Variants in SMC6 observed in about 807,000 individuals in gnomAD.
SMC6 encodes the protein structural maintenance of chromosomes protein 6.
SMC6 carries 79 observed loss-of-function variants against 142.2 expected under a neutral mutation model. That is an observed-to-expected ratio of 0.56 (90% CI 0.46 to 0.67). The LOEUF (loss-of-function observed/expected upper bound fraction) is 0.67, where lower values mean the gene tolerates loss of function less well. SMC6 is among the 30% of genes least tolerant of loss of function. The probability of loss-of-function intolerance (pLI) is 0.00; values close to 1 mark genes in which losing one functional copy is unlikely to be tolerated. For missense variants in SMC6, 1,072 were observed against 1,284.0 expected (o/e 0.83, Z 2.52); for synonymous variants, 411 against 412.4 (o/e 1.00, Z 0.04).
chr2:17,752,306 A>C (rs1671082933), intron 2 of SMC6, among the ~76,000 whole-genome samples: 1 of 152,228 alleles, frequency 6.6e-6, no homozygotes, highest in Admixed American at 6.5e-5. Flanking sequence ...CACAATGCAA[A>C]TGCTATGTGA....
intron 16 of SMC6, among the ~76,000 whole-genome samples, chr2:17,714,061 T>C (rs1668957204): frequency 6.6e-6 from 1 of 151,522 alleles, no homozygotes; most frequent in African/African-American, 2.4e-5. Context: ...CATCTGGGAA[T>C]AGATATATAC....
chr2:17,726,780 T>G (rs77752447), intron 7 of SMC6, among the ~76,000 whole-genome samples: 2,119 of 152,342 alleles, frequency 0.014, 16 homozygotes, highest in Non-Finnish European at 0.016. Context: ...ACTTCTTACC[T>G]GCTGTATAGA....
At chr2:17,722,281 G>C (rs949426526) in intron 9 of SMC6, among the ~76,000 whole-genome samples, 1 of 152,100 alleles carries the variant, frequency 6.6e-6, no homozygotes, top group Admixed American at 6.6e-5. Flanking sequence ...TGCAACAAGA[G>C]AGGTGGCCTC....
chr2:17,673,552 T>A (rs1666862251), intron 25 of SMC6, among the ~76,000 whole-genome samples: 3 of 151,758 alleles, frequency 2.0e-5, no homozygotes, highest in African/African-American at 7.2e-5. Context: ...TGTTTATTAT[T>A]TAAAAAAAAA....
chr2:17,673,122 T>C (rs529301114), intron 25 of SMC6, among the ~76,000 whole-genome samples: 2 of 152,318 alleles, frequency 1.3e-5, no homozygotes, highest in South Asian at 4.1e-4. Flanking sequence ...TGACAGTAAC[T>C]TACTGTGGTA....
chr2:17,731,632 A>G (rs1669919121), intron 6 of SMC6, 109 bp downstream of exon 6: 1 of 1,111,764 alleles, frequency 9.0e-7, no homozygotes, highest in South Asian at 1.5e-5. Context: ...ATATGCACAC[A>G]ACCAATCATG....
chr2:17,719,203 G>GT (rs972689283), intron 11 of SMC6, among the ~76,000 whole-genome samples: 4 of 152,172 alleles, frequency 2.6e-5, no homozygotes, highest in African/African-American at 9.6e-5. Flanking sequence ...TAGAGGAATT[G>GT]TTTTTTTAAT....
In SMC6 at chr2:17,714,938, C is replaced by T. The variant is rs1309023017; in HGVS notation, c.1653G>A (p.Arg551=). 1.9e-6 allele frequency: 3 copies of T among 1,613,788 alleles called. No homozygotes were observed. The highest frequency in any genetic ancestry group is 2.2e-5 in the South Asian group (2 of 91,052). ...DERVLQALMK[R]FYLPGTSRPP... ...GCCGTGAGGTCCCTGGTAAATAAAACCTTTTCATGAGTGCCTGAAGGACCC... is the reference window on the plus strand; with the variant it reads ...GCCGTGAGGTCCCTGGTAAATAAAATCTTTTCATGAGTGCCTGAAGGACCC... The change falls in exon 16 of 28, where the codon AGG becomes AGA. Residue 551 remains arginine, a synonymous_variant. Coordinates refer to ENST00000448223, the MANE Select transcript of SMC6 (RefSeq NM_001142286.2).
At chr2:17,702,826 T>C (rs1282217361) in intron 19 of SMC6, among the ~76,000 whole-genome samples, 2 of 152,226 alleles carry the variant, frequency 1.3e-5, no homozygotes, top group African/African-American at 4.8e-5. Context: ...CCTTCCGCCA[T>C]GATTGTGAGG....
intron 5 of SMC6, among the ~76,000 whole-genome samples, chr2:17,734,382 G>GA (rs1281504319): frequency 1.3e-5 from 2 of 152,134 alleles, no homozygotes. Flanking sequence ...TTATGCCTCA[G>GA]AAAAATCAAT....
At chr2:17,697,525 C>A (rs926023643) in intron 21 of SMC6, among the ~76,000 whole-genome samples, 106 of 152,130 alleles carry the variant, frequency 7.0e-4, no homozygotes, top group Middle Eastern at 3.4e-3. Flanking sequence ...CAGAACCCAA[C>A]TGTAAAACGG....
In SMC6 at chr2:17,718,164, A is replaced by C. The variant is rs1558359659; in HGVS notation, c.1005T>G (p.Ile335Met). The C allele has an allele frequency of 6.2e-7, 1 of 1,611,070 alleles. No homozygotes were observed. Among genetic ancestry groups the C allele is most frequent in the Non-Finnish European group, 8.5e-7 (1 of 1,178,210 alleles). The change falls in exon 12 of 28, where the codon ATT becomes ATG. Residue 335 changes from isoleucine (I) to methionine (M), a missense_variant. Physicochemically the swap from Ile to Met is conservative, Grantham distance 10. Around this residue, in one of 3 missense-constraint regions of SMC6, gnomAD observed 994 missense variants for 1,153.2 expected, o/e 0.86. Coordinates refer to ENST00000448223, the MANE Select transcript of SMC6 (RefSeq NM_001142286.2). ...YKDIQDKLEK[I>M]SEETNARAPE... ...GTGCTCGTGCATTTGTCTCTTCACT[A>C]ATCTTTTCTAGTTTGTCTTGAATAT...
In SMC6 at chr2:17,664,078, T is replaced by C. The variant is rs1666389984; in HGVS notation, c.*1421A>G. 6.6e-6 allele frequency: 1 copy of C among 152,224 alleles called. No individual in the cohort carries two copies. The highest frequency in any genetic ancestry group is 2.1e-4 in the South Asian group (1 of 4,836). The allele number at this position is 152,224 out of a possible 1,614,324, so 9.4% of individuals were successfully genotyped here. On this transcript the variant is annotated 3_prime_UTR_variant, in exon 28 of 28. Coordinates refer to ENST00000448223, the MANE Select transcript of SMC6 (RefSeq NM_001142286.2). Reference sequence around the variant, plus strand: ...TCAAAACTACAACAAAATTCAGACATGAGTTCCTTAGCTAATGAAAGTTTA... The same window carrying C: ...TCAAAACTACAACAAAATTCAGACACGAGTTCCTTAGCTAATGAAAGTTTA...
At chr2:17,672,552 G>C (rs556133057) in intron 25 of SMC6, among the ~76,000 whole-genome samples, 2 of 152,180 alleles carry the variant, frequency 1.3e-5, no homozygotes, top group Non-Finnish European at 2.9e-5. Context: ...AATATCCCCA[G>C]CATCTAAGCA....
intron 12 of SMC6, among the ~76,000 whole-genome samples, chr2:17,717,838 A>G (rs1038878971): frequency 6.6e-6 from 1 of 152,070 alleles, no homozygotes; most frequent in Admixed American, 6.6e-5. Context: ...AAAAAAATTT[A>G]GCCAGCTGTG....
At chr2:17,688,043 A>G (rs548980068) in intron 23 of SMC6, among the ~76,000 whole-genome samples, 20 of 152,146 alleles carry the variant, frequency 1.3e-4, no homozygotes, top group Non-Finnish European at 8.8e-5. Context: ...GAAACAAGGA[A>G]TAGGTTAAGG....
chr2:17,672,568 T>C (rs1395521476), intron 25 of SMC6, among the ~76,000 whole-genome samples: 1 of 152,182 alleles, frequency 6.6e-6, no homozygotes, highest in African/African-American at 2.4e-5. Flanking sequence ...AAGCAAACTA[T>C]TTGTATATTA....
intron 5 of SMC6, among the ~76,000 whole-genome samples, chr2:17,733,641 G>C (rs1044804401): frequency 6.6e-6 from 1 of 152,146 alleles, no homozygotes; most frequent in African/African-American, 2.4e-5. Context: ...TGATGAAGTC[G>C]AGAGATGGTG....
At chr2:17,669,644 C>CA (rs888555890) in intron 26 of SMC6, among the ~76,000 whole-genome samples, 3 of 152,030 alleles carry the variant, frequency 2.0e-5, no homozygotes, top group South Asian at 2.1e-4. Context: ...TCAAATACTT[C>CA]AAAAAATAAG....
Sources: allele counts gnomAD v4.1 joint callset (sites outside exome capture counted in the v4.1 genomes callset), GRCh38; gene constraint gnomAD v4.1.1; regional missense constraint gnomAD v4.1.1; transcripts MANE v1.5; gene names NCBI Gene and HGNC (gene_info 2026-07-23, HGNC 2026-07-21).